ZNF573: variants seen among roughly 807,000 people sequenced by gnomAD.
The protein encoded by ZNF573 is zinc finger protein 573.
In ZNF573, 41 loss-of-function variants were observed where a neutral mutation model predicts 57.4. That is an observed-to-expected ratio of 0.71 (90% CI 0.56 to 0.93). The LOEUF (loss-of-function observed/expected upper bound fraction) is 0.93. Ranked by LOEUF, ZNF573 falls within the 40% of genes least tolerant of loss-of-function variation. ZNF573 has a pLI of 0.00. For synonymous variants in ZNF573, 249 were observed against 261.0 expected (o/e 0.95, Z 0.44); for missense variants, 730 against 794.8 (o/e 0.92, Z 0.98).
chr19:37,740,579 C>T (rs933558480), intron 4 of ZNF573: 3 of 458,670 alleles, frequency 6.5e-6, no homozygotes, highest in South Asian at 3.1e-5. Context: ...TTAAGTTTCT[C>T]GAGTGATTTT....
intron 4 of ZNF573, among the ~76,000 whole-genome samples, chr19:37,766,693 C>T (rs1302074670): frequency 3.3e-5 from 5 of 152,158 alleles, no homozygotes; most frequent in Non-Finnish European, 7.3e-5. Flanking sequence ...CTATATAAAG[C>T]TCTTCAGAGG....
chr19:37,776,585 A>G lies in ZNF573; in HGVS notation c.-22-2834T>C, dbSNP rs1024770465. Among the ~76,000 whole-genome samples, 22 of 152,230 alleles carry G rather than the reference A, an allele frequency of 1.4e-4. 1 individual carries two copies. Among genetic ancestry groups the G allele is most frequent in the Non-Finnish European group, 4.4e-5 (3 of 68,030 alleles). On this transcript the variant is annotated intron_variant, in intron 1 of 4. Coordinates refer to ENST00000536220, the MANE Select transcript of ZNF573 (RefSeq NM_001172690.2). Reference sequence around the variant, plus strand: ...ACACATTGGCTTAGGCAAAGAGTTCATGACCAAGAACCCAAAAGCAAATGC... The same window carrying G: ...ACACATTGGCTTAGGCAAAGAGTTCGTGACCAAGAACCCAAAAGCAAATGC...
intron 3 of ZNF573, chr19:37,770,363 G>A: frequency 3.1e-6 from 1 of 325,488 alleles, no homozygotes. Context: ...GTTCTCTGGA[G>A]CCAGAAGGCT....
At chr19:37,769,727 G>GAAAAAAAAAAAAAAAA (rs397944905) in intron 4 of ZNF573, among the ~76,000 whole-genome samples, 47 of 54,972 alleles carry the variant, frequency 8.5e-4, no homozygotes, top group East Asian at 1.0e-3. Context: ...CTCTGTCTCG[G>GAAAAAAAAAAAAAAAA]AAAAAAAAAA....
At chr19:37,767,334 T>G (rs552136236) in intron 4 of ZNF573, among the ~76,000 whole-genome samples, 2 of 152,260 alleles carry the variant, frequency 1.3e-5, no homozygotes, top group South Asian at 4.1e-4. Context: ...GTTCACGCTC[T>G]TCTCCTGCCT....
chr19:37,761,420 C>T (rs1217544592), intron 4 of ZNF573, among the ~76,000 whole-genome samples: 2 of 152,074 alleles, frequency 1.3e-5, no homozygotes, highest in East Asian at 3.9e-4. Flanking sequence ...TCCCATTCTC[C>T]CCCTAGGCTA....
chr19:37,744,664 C>CT (rs2045361042), intron 4 of ZNF573, among the ~76,000 whole-genome samples: 1 of 149,058 alleles, frequency 6.7e-6, no homozygotes, highest in East Asian at 2.0e-4. Context: ...TTTCTAGAGC[C>CT]TAGGCGGCCA....
chr19:37,760,732 G>A (rs1319142641), intron 4 of ZNF573, among the ~76,000 whole-genome samples: 1 of 151,774 alleles, frequency 6.6e-6, no homozygotes, highest in Non-Finnish European at 1.5e-5. Flanking sequence ...TGAGGCAGAA[G>A]AATCACTTGA....
intron 4 of ZNF573, among the ~76,000 whole-genome samples, chr19:37,741,219 GTCTC>G (rs1047387516): frequency 2.0e-5 from 3 of 152,080 alleles, no homozygotes; most frequent in African/African-American, 7.3e-5. Flanking sequence ...AACTCTGTCT[GTCTC>G]TCTATCTTTA....
chr19:37,764,504 A>T (rs537026445), intron 4 of ZNF573, among the ~76,000 whole-genome samples: 1 of 150,964 alleles, frequency 6.6e-6, no homozygotes, highest in African/African-American at 2.4e-5. Context: ...TACTTTTAAT[A>T]GAGACGGGGT....
intron 4 of ZNF573, among the ~76,000 whole-genome samples, chr19:37,766,582 A>G (rs2045603921): frequency 6.6e-6 from 1 of 152,224 alleles, no homozygotes; most frequent in African/African-American, 2.4e-5. Flanking sequence ...TGGTGTCTTC[A>G]TCTTTACCTA....
intron 3 of ZNF573, 71 bp downstream of exon 3, chr19:37,771,493 T>C (rs1271832286): frequency 1.1e-5 from 17 of 1,528,120 alleles, no homozygotes; most frequent in Non-Finnish European, 1.5e-5. Flanking sequence ...AATATGGCCT[T>C]GAAATTCATT....
At position 37,740,031 on chromosome 19, in the gene ZNF573, G is replaced by A; in HGVS notation, c.459C>T (p.His153=). ...FSSGYQLILH[H]RFHVIERPYE... ...AGGGTCTCTCAATGACATGAAACCT[G>A]TGATGTAGAATAAGTTGATAACCAC... The change falls in exon 5 of 5, where the codon CAC becomes CAT. Residue 153 remains histidine, a synonymous_variant. Coordinates refer to ENST00000536220, the MANE Select transcript of ZNF573 (RefSeq NM_001172690.2). 1 of 1,614,092 alleles carries A rather than the reference G, an allele frequency of 6.2e-7. No individual in the cohort carries two copies. The highest frequency in any genetic ancestry group is 8.5e-7 in the Non-Finnish European group (1 of 1,179,992).
chr19:37,740,005 T>C lies in ZNF573; in HGVS notation c.485A>G (p.Tyr162Cys). 3 of 1,614,192 alleles carry C rather than the reference T, an allele frequency of 1.9e-6. No individual in the cohort carries two copies. Among genetic ancestry groups the C allele is most frequent in the Non-Finnish European group, 1.7e-6 (2 of 1,180,020 alleles). The change falls in exon 5 of 5, where the codon TAT becomes TGT. Residue 162 changes from tyrosine (Y) to cysteine (C), a missense_variant. Physicochemically the swap from Tyr to Cys is radical, Grantham distance 194 (BLOSUM62 -2). Coordinates refer to ENST00000536220, the MANE Select transcript of ZNF573 (RefSeq NM_001172690.2). Reference sequence around the variant, plus strand: ...GTTCTTCCCACACTCTTTGCATTCATAGGGTCTCTCAATGACATGAAACCT... The same window carrying C: ...GTTCTTCCCACACTCTTTGCATTCACAGGGTCTCTCAATGACATGAAACCT... ...HHRFHVIERP[Y>C]ECKECGKNFR... is the part of the protein sequence containing the mutation.
intron 1 of ZNF573, among the ~76,000 whole-genome samples, chr19:37,777,472 G>T (rs954641673): frequency 6.6e-6 from 1 of 152,086 alleles, no homozygotes. Flanking sequence ...GCCATAAAAA[G>T]GAATGAAATA....
At chr19:37,752,440 G>C (rs909113805) in intron 4 of ZNF573, among the ~76,000 whole-genome samples, 7 of 152,090 alleles carry the variant, frequency 4.6e-5, no homozygotes, top group Non-Finnish European at 8.8e-5. Flanking sequence ...AATGAGTATT[G>C]ATACCTCCTA....
intron 4 of ZNF573, among the ~76,000 whole-genome samples, chr19:37,762,841 G>A (rs1295443332): frequency 1.3e-5 from 2 of 150,278 alleles, no homozygotes; most frequent in African/African-American, 4.9e-5. Flanking sequence ...GTGCGATCTC[G>A]GCTCACTGCA....
chr19:37,778,083 C>T (rs892957366), intron 1 of ZNF573, among the ~76,000 whole-genome samples: 2 of 144,860 alleles, frequency 1.4e-5, no homozygotes, highest in Admixed American at 6.9e-5. Context: ...GTAACTAATA[C>T]AAATTCTGTT....
chr19:37,743,478 G>C (rs1413332331), intron 4 of ZNF573, among the ~76,000 whole-genome samples: 1 of 152,136 alleles, frequency 6.6e-6, no homozygotes, highest in Non-Finnish European at 1.5e-5. Flanking sequence ...TTATTAAAAA[G>C]TCAGGAAACA....
Sources: allele counts gnomAD v4.1 joint callset (sites outside exome capture counted in the v4.1 genomes callset), GRCh38; gene constraint gnomAD v4.1.1; transcripts MANE v1.5; gene names NCBI Gene and HGNC (gene_info 2026-07-23, HGNC 2026-07-21).